Variants in ITPR2 observed in about 807,000 individuals in gnomAD.
ITPR2 encodes inositol 1,4,5-trisphosphate-gated calcium channel ITPR2.
Under a neutral mutation model 317.1 loss-of-function variants are expected in ITPR2, and 207 were observed. The ratio of observed to expected loss-of-function variants is 0.65; its 90% CI spans 0.58 to 0.73. The LOEUF is 0.73. Among genes scored for constraint, ITPR2 ranks in the 30% least tolerant of loss-of-function variants. ITPR2 has a pLI of 0.00. For synonymous variants in ITPR2, 1,156 were observed against 1,149.1 expected (o/e 1.01, Z -0.12); for missense variants, 2,613 against 3,284.0 (o/e 0.80, Z 4.99).
chr12:26,476,802 G>C, intron 44 of ITPR2, 110 bp downstream of exon 44: 2 of 666,640 alleles, frequency 3.0e-6, no homozygotes, highest in South Asian at 3.8e-5. Context: ...TGTTCCATTT[G>C]TCTTGGTAGA....
rs1009671839 is a variant in ITPR2 at position 26,788,049 on chromosome 12, A to T, written c.163+2108T>A. Among the ~76,000 whole-genome samples the T allele has an allele frequency of 3.3e-5, 5 of 150,272 alleles. No individual in the cohort carries two copies. In the Admixed American group the frequency reaches 3.4e-4, roughly 10 times the overall value. ...GTGATTCTCCTGCCTCAGCCTCCTG[A>T]GTGGCTGGGATTACAGGCATGAGCC... is the stretch of plus-strand genomic sequence containing the variant. On this transcript the variant is annotated intron_variant, in intron 2 of 56. Transcript: ENST00000381340.
intron 37 of ITPR2, among the ~76,000 whole-genome samples, chr12:26,512,184 TAAAAAAAAAA>T: frequency 7.3e-6 from 1 of 136,262 alleles, no homozygotes; most frequent in African/African-American, 2.8e-5. Context: ...GCTACAAAGA[TAAAAAAAAAA>T]AAAAAAAAAG....
In ITPR2 at chr12:26,725,676, C is replaced by T. The variant is rs1190602890; in HGVS notation, c.253G>A (p.Glu85Lys). 6.2e-6 allele frequency: 10 copies of T among 1,613,148 alleles called. No homozygotes were observed. The highest frequency in any genetic ancestry group is 1.3e-5 in the African/African-American group (1 of 74,994). Residue 85 changes from glutamate to lysine, a missense_variant, in exon 3 of 57, where the codon GAG becomes AAG. Around this residue, in one of 9 missense-constraint regions of ITPR2, gnomAD observed 515 missense variants for 789.4 expected, o/e 0.65. Transcript: ENST00000381340. ...TGTAGTTTCTTCAGCAAGGCTGCCT[C>T]GGTGTGGTTCCCTTGTTTGGCTTGC... is the stretch of plus-strand genomic sequence containing the variant. ...AKQAKQGNHT[E>K]AALLKKLQHA...
Position 26,832,960 on chromosome 12 carries a change from G to A in ITPR2, c.-179C>T, listed in dbSNP as rs11048709. On this transcript the variant is annotated 5_prime_UTR_variant, in exon 1 of 57. Transcript: ENST00000381340. ...CGGCTCAGCCGTGCGTGCGCGCCGG[G>A]GAAGCCAGACCGGGGCCAAGCCGCA... The A allele has an allele frequency of 0.18, 101,954 of 557,680 alleles. 10,176 individuals carry two copies. Among genetic ancestry groups the A allele is most frequent in the Non-Finnish European group, 0.21 (69,611 of 324,900 alleles). The allele number at this position is 557,680 out of a possible 1,614,324, so 34.5% of individuals were successfully genotyped here. A position where few individuals can be genotyped will look rare whatever the true frequency, so the allele number is the denominator to read the frequency against.
intron 1 of ITPR2, among the ~76,000 whole-genome samples, chr12:26,817,192 AAAAAAAAAAAG>A (rs1200539448): frequency 1.9e-4 from 29 of 150,788 alleles, no homozygotes; most frequent in African/African-American, 6.8e-4. Flanking sequence ...AAAAAAAAAA[AAAAAAAAAAAG>A]GGCAGTACGA....
At chr12:26,665,541 G>A (rs184777593) in intron 14 of ITPR2, among the ~76,000 whole-genome samples, 277 of 152,218 alleles carry the variant, frequency 1.8e-3, no homozygotes, top group Middle Eastern at 3.4e-3. Context: ...CTACCTGAGC[G>A]TCCTCTCTAG....
At chr12:26,556,792 AT>A (rs35744122) in intron 35 of ITPR2, among the ~76,000 whole-genome samples, 1 of 145,902 alleles carries the variant, frequency 6.9e-6, no homozygotes. Flanking sequence ...AAAAAAAAAA[AT>A]TCCAGCCAGG....
chr12:26,684,506 A>G (rs941781282), intron 11 of ITPR2, among the ~76,000 whole-genome samples: 1 of 152,240 alleles, frequency 6.6e-6, no homozygotes, highest in African/African-American at 2.4e-5. Context: ...ATATTTATTA[A>G]GAACTTGACA....
chr12:26,382,867 T>A (rs993950654), intron 55 of ITPR2, among the ~76,000 whole-genome samples: 2 of 152,210 alleles, frequency 1.3e-5, no homozygotes, highest in Non-Finnish European at 2.9e-5. Context: ...CCTCCAAACT[T>A]CATATTAAAA....
intron 2 of ITPR2, among the ~76,000 whole-genome samples, chr12:26,763,399 CTT>C (rs573800521): frequency 2.0e-5 from 3 of 151,916 alleles, no homozygotes; most frequent in African/African-American, 7.2e-5. Context: ...AAAGGTATGA[CTT>C]TTTTTCCCAT....
chr12:26,422,326 TTAAC>T (rs1391372335), intron 49 of ITPR2, among the ~76,000 whole-genome samples: 2 of 139,432 alleles, frequency 1.4e-5, no homozygotes, highest in Admixed American at 7.0e-5. Context: ...ATTGAATAAT[TTAAC>T]TATTTAATTA....
At position 26,401,229 on chromosome 12, in the gene ITPR2, T is replaced by TA. The variant is rs879594118; in HGVS notation, c.7400-972dup. ...GGGTAACAGAGCAAGACTCTGTCTT[T>TA]AAAAAAAAAAAATACATTTAGGGTA... is the stretch of plus-strand genomic sequence containing the variant. On this transcript the variant is annotated intron_variant, in intron 52 of 56. Coordinates refer to ENST00000381340, the MANE Select transcript of ITPR2 (RefSeq NM_002223.4). 3.2e-3 allele frequency among the ~76,000 whole-genome samples: 464 copies of TA among 145,184 alleles called. 4 individuals carry two copies. Among genetic ancestry groups the TA allele is most frequent in the African/African-American group, 8.9e-3 (355 of 39,834 alleles).
In ITPR2 at chr12:26,494,025, C is replaced by A. The variant is rs1591828595; in HGVS notation, c.5370+128G>T. The A allele has an allele frequency of 1.0e-4, 59 of 585,376 alleles. No individual in the cohort carries two copies. The East Asian group carries it at 1.8e-3, about 18-fold the overall frequency. 36.3% of individuals were successfully genotyped at this position (585,376 alleles called of 1,614,324 possible). ...AAACAAATTTAAGAAAAGTGTGATA[C>A]ATGGATTTTTTTTTTTTTAGATAGT... On this transcript the variant is annotated intron_variant, in intron 39 of 56. Transcript: ENST00000381340.
At chr12:26,474,575 C>T (rs1157023550) in intron 45 of ITPR2, among the ~76,000 whole-genome samples, 1 of 151,848 alleles carries the variant, frequency 6.6e-6, no homozygotes, top group Non-Finnish European at 1.5e-5. Context: ...GGGCGGATCA[C>T]GAGGTCAGGA....
intron 2 of ITPR2, among the ~76,000 whole-genome samples, chr12:26,726,414 G>A (rs1016870794): frequency 5.9e-5 from 9 of 152,226 alleles, no homozygotes; most frequent in Middle Eastern, 3.4e-3. Context: ...CAAAATATAC[G>A]TTTTATTTTC....
rs796334245 is a variant in ITPR2 at position 26,589,833 on chromosome 12, C to CATAT, written c.4380+5628_4380+5631dup. 1.1e-3 allele frequency among the ~76,000 whole-genome samples: 37 copies of CATAT among 32,896 alleles called. 3 individuals are homozygous for CATAT. The highest frequency in any genetic ancestry group is 3.3e-3 in the Admixed American group (10 of 3,034). The allele number at this position is 32,896 out of a possible 152,430, so 21.6% of individuals were successfully genotyped here. A position where few individuals can be genotyped will look rare whatever the true frequency, so the allele number is the denominator to read the frequency against. On this transcript the variant is annotated intron_variant, in intron 32 of 56. Coordinates refer to ENST00000381340, the MANE Select transcript of ITPR2 (RefSeq NM_002223.4). ...AAAAATAAATAAATAAATAAATAAA[C>CATAT]ATATATATATATATATATATACACA...
At chr12:26,606,544 C>CTTTTT (rs10701661) in intron 26 of ITPR2, among the ~76,000 whole-genome samples, 68 of 143,434 alleles carry the variant, frequency 4.7e-4, no homozygotes, top group South Asian at 1.1e-3. Context: ...TAGTTCCTCC[C>CTTTTT]TTTTTTTTTT....
chr12:26,711,287 T>C lies in ITPR2; in HGVS notation c.856-19A>G, dbSNP rs777638469. On this transcript the variant is annotated intron_variant, in intron 8 of 56. Coordinates refer to ENST00000381340, the MANE Select transcript of ITPR2 (RefSeq NM_002223.4). Reference sequence around the variant, plus strand: ...GAACCACCTACAAAGAGAGCAACGATAGTAATGGCAAAACAATATTTATGT... The same window carrying C: ...GAACCACCTACAAAGAGAGCAACGACAGTAATGGCAAAACAATATTTATGT... 12 of 1,539,802 alleles carry C rather than the reference T, an allele frequency of 7.8e-6. No individual in the cohort carries two copies. Among genetic ancestry groups the C allele is most frequent in the South Asian group, 3.3e-5 (3 of 89,602 alleles).
At chr12:26,743,721 G>A (rs1326031822) in intron 2 of ITPR2, among the ~76,000 whole-genome samples, 3 of 151,986 alleles carry the variant, frequency 2.0e-5, no homozygotes, top group Admixed American at 6.5e-5. Context: ...GAGAAACCCC[G>A]TCTCTACTAA....
Sources: allele counts gnomAD v4.1 joint callset (sites outside exome capture counted in the v4.1 genomes callset), GRCh38; gene constraint gnomAD v4.1.1; regional missense constraint gnomAD v4.1.1; transcripts MANE v1.5; gene names NCBI Gene and HGNC (gene_info 2026-07-23, HGNC 2026-07-21).